Variants in DLGAP2 observed in about 807,000 individuals in gnomAD.
The protein encoded by DLGAP2 is DLG associated protein 2.
Under a neutral mutation model 100.3 loss-of-function variants are expected in DLGAP2, and 26 were observed. That is an observed-to-expected ratio of 0.26 (90% CI 0.19 to 0.36). The LOEUF (loss-of-function observed/expected upper bound fraction) is 0.36, where lower values mean the gene tolerates loss of function less well. Among genes scored for constraint, DLGAP2 ranks in the 10% least tolerant of loss-of-function variants. DLGAP2 has a pLI of 1.00. For missense variants in DLGAP2, 1,858 were observed against 1,453.2 expected (o/e 1.28, Z -4.53); for synonymous variants, 886 against 630.1 (o/e 1.41, Z -6.08).
chr8:1,077,096 G>T (rs1287776066), intron 2 of DLGAP2, among the ~76,000 whole-genome samples: 1 of 152,144 alleles, frequency 6.6e-6, no homozygotes, highest in Admixed American at 6.5e-5. Context: ...TGCTGTCAAT[G>T]TTTGGGGTTC....
rs939608915 is a variant in DLGAP2, at chr8:1,227,670, C to T, written c.74-31181C>T. ...GTTATGCTAAATGAAATAAGGCAGA[C>T]ACAGGAAGAAAAATATTACATGATG... On this transcript the variant is annotated intron_variant, in intron 2 of 14. Transcript: ENST00000637795. 5.3e-5 allele frequency among the ~76,000 whole-genome samples: 8 copies of T among 151,768 alleles called. No homozygotes were observed. In the East Asian group the frequency reaches 1.2e-3, roughly 22 times the overall value.
chr8:1,545,714 A>C (rs1224023346), intron 4 of DLGAP2, among the ~76,000 whole-genome samples: 3 of 152,236 alleles, frequency 2.0e-5, no homozygotes, highest in African/African-American at 7.2e-5. Context: ...ACATGTTTCC[A>C]TGCATCCATC....
At chr8:1,376,402 G>A (rs2129737574) in intron 3 of DLGAP2, among the ~76,000 whole-genome samples, 1 of 152,370 alleles carries the variant, frequency 6.6e-6, no homozygotes, top group South Asian at 2.1e-4. Context: ...TCCTTGAAAA[G>A]CGCCCCGCTG....
At chr8:1,335,033 T>C (rs1401831817) in intron 3 of DLGAP2, among the ~76,000 whole-genome samples, 1 of 152,194 alleles carries the variant, frequency 6.6e-6, no homozygotes, top group Admixed American at 6.5e-5. Context: ...AAATCGTAGC[T>C]GTTGCTGCAT....
intron 1 of DLGAP2, among the ~76,000 whole-genome samples, chr8:832,136 G>T (rs1796795503): frequency 6.6e-6 from 1 of 151,970 alleles, no homozygotes. Context: ...TGGGTAGATT[G>T]CAAAAGTTTT....
intron 2 of DLGAP2, among the ~76,000 whole-genome samples, chr8:922,660 T>TTTTACTATG (rs1347344596): frequency 1.3e-5 from 2 of 152,224 alleles, no homozygotes; most frequent in Non-Finnish European, 2.9e-5. Context: ...ATAGAAATAG[T>TTTTACTATG]TTTACTATGT....
chr8:965,318 CTGCGCTGCACACG>C (rs1799829137), intron 2 of DLGAP2, among the ~76,000 whole-genome samples: 3 of 108,106 alleles, frequency 2.8e-5, no homozygotes, highest in Admixed American at 1.0e-4. Context: ...AGTCTGACCC[CTGCGCTGCACACG>C]GCACTGTTCA....
chr8:1,205,506 C>T (rs1286079598), intron 2 of DLGAP2, among the ~76,000 whole-genome samples: 2 of 152,208 alleles, frequency 1.3e-5, no homozygotes, highest in African/African-American at 4.8e-5. Flanking sequence ...GGGGGACCCT[C>T]TGTGGCCACC....
chr8:890,619 T>A (rs1798015576), intron 1 of DLGAP2, among the ~76,000 whole-genome samples: 1 of 152,044 alleles, frequency 6.6e-6, no homozygotes, highest in South Asian at 2.1e-4. Flanking sequence ...TTCTTGATTC[T>A]ACCCCAGGAG....
intron 2 of DLGAP2, among the ~76,000 whole-genome samples, chr8:1,110,544 G>A (rs890254113): frequency 3.3e-5 from 5 of 150,722 alleles, no homozygotes; most frequent in African/African-American, 1.2e-4. Flanking sequence ...TGTGCATAGG[G>A]TGGGTGAGGT....
intron 2 of DLGAP2, among the ~76,000 whole-genome samples, chr8:1,031,753 TTTA>T (rs1304698975): frequency 6.6e-6 from 1 of 152,172 alleles, no homozygotes; most frequent in Admixed American, 6.5e-5. Flanking sequence ...ATGGAAATAG[TTTA>T]TTTAGTACAT....
At chr8:1,684,881 A>C (rs2130866389) in intron 12 of DLGAP2, among the ~76,000 whole-genome samples, 1 of 152,308 alleles carries the variant, frequency 6.6e-6, no homozygotes, top group East Asian at 1.9e-4. Context: ...CCAAGGGAGC[A>C]CATGTACACA....
intron 2 of DLGAP2, among the ~76,000 whole-genome samples, chr8:1,050,879 C>G (rs951728075): frequency 4.6e-5 from 7 of 151,540 alleles, no homozygotes; most frequent in African/African-American, 1.7e-4. Context: ...GTGTGATGAG[C>G]TTGTGTGACC....
At chr8:1,511,269 G>A (rs1177659391) in intron 4 of DLGAP2, among the ~76,000 whole-genome samples, 6 of 147,414 alleles carry the variant, frequency 4.1e-5, no homozygotes, top group African/African-American at 2.5e-5. Flanking sequence ...GTCTAGTGTA[G>A]GACAATCAGT....
intron 2 of DLGAP2, among the ~76,000 whole-genome samples, chr8:1,155,847 G>C (rs1338507486): frequency 6.6e-6 from 1 of 152,208 alleles, no homozygotes; most frequent in Non-Finnish European, 1.5e-5. Flanking sequence ...CGAGCGGCGT[G>C]TGTGGAGAGG....
At chr8:829,773 T>G (rs1204179794) in intron 1 of DLGAP2, among the ~76,000 whole-genome samples, 3 of 152,230 alleles carry the variant, frequency 2.0e-5, no homozygotes, top group Non-Finnish European at 4.4e-5. Context: ...GGTTCATAAT[T>G]TATATTAACG....
chr8:1,441,873 C>T (rs1242410606), intron 3 of DLGAP2, among the ~76,000 whole-genome samples: 1 of 151,606 alleles, frequency 6.6e-6, no homozygotes, highest in Non-Finnish European at 1.5e-5. Context: ...ACATGCTCCA[C>T]AGGGTTGCTG....
chr8:1,532,104 A>G (rs1801006242), intron 4 of DLGAP2, among the ~76,000 whole-genome samples: 1 of 152,214 alleles, frequency 6.6e-6, no homozygotes, highest in African/African-American at 2.4e-5. Context: ...GACAGTCAGC[A>G]TATGCATCTG....
chr8:1,203,369 G>C lies in DLGAP2; in HGVS notation c.74-55482G>C, dbSNP rs1298901196. ...CTCGGTGTTAGAATCCATGAGACTG[G>C]CGTGTCCTTCGGTGACGAGGCCGCC... On this transcript the variant is annotated intron_variant, in intron 2 of 14. Transcript: ENST00000637795. 1.3e-5 allele frequency among the ~76,000 whole-genome samples: 2 copies of C among 151,720 alleles called. 1 individual carries two copies. The highest frequency in any genetic ancestry group is 2.9e-5 in the Non-Finnish European group (2 of 67,882).
Sources: allele counts gnomAD v4.1 joint callset (sites outside exome capture counted in the v4.1 genomes callset), GRCh38; gene constraint gnomAD v4.1.1; transcripts MANE v1.5; gene names NCBI Gene and HGNC (gene_info 2026-07-23, HGNC 2026-07-21).